Variants in INSR observed in about 807,000 individuals in gnomAD.
INSR encodes the protein IR.
In INSR, 67 loss-of-function variants were observed where a neutral mutation model predicts 142.6. The observed-to-expected ratio is 0.47, with a 90% confidence interval of 0.39 to 0.58. The LOEUF is 0.58. INSR is among the 20% of genes least tolerant of loss of function. The pLI is 0.00. For missense variants in INSR, 1,248 were observed against 1,833.2 expected, an observed-to-expected ratio of 0.68 and a Z score of 5.83; for synonymous variants, 756 against 743.1, an observed-to-expected ratio of 1.02 and a Z score of -0.28.
At chr19:7,255,035 C>T (rs966651950) in intron 2 of INSR, among the ~76,000 whole-genome samples, 1 of 151,566 alleles carries the variant, frequency 6.6e-6, no homozygotes, top group Non-Finnish European at 1.5e-5. Context: ...GGTCCCCGCA[C>T]CCACCCGCTC....
In INSR at chr19:7,168,176, G is replaced by C. The variant is rs1347526869; in HGVS notation, c.1484-82C>G. 2 of 1,410,944 alleles carry C rather than the reference G, an allele frequency of 1.4e-6. No individual in the cohort carries two copies. The highest frequency in any genetic ancestry group is 2.0e-6 in the Non-Finnish European group (2 of 1,002,288). 87.4% of individuals were successfully genotyped at this position (1,410,944 alleles called of 1,614,324 possible). A position where few individuals can be genotyped will look rare whatever the true frequency, so the allele number is the denominator to read the frequency against. On this transcript the variant is annotated intron_variant, in intron 6 of 21. Transcript: ENST00000302850. The surrounding 1 kb of genome is among the most constrained non-coding windows in gnomAD (Gnocchi z 4.3). ...AAGCCTGGGACCCCCACACTTCCTGGAGGGACCGTGAGAAGGCAGAGGTGA... is the reference window on the plus strand; with the variant it reads ...AAGCCTGGGACCCCCACACTTCCTGCAGGGACCGTGAGAAGGCAGAGGTGA...
In INSR at chr19:7,255,404, C is replaced by T. The variant is rs970502494; in HGVS notation, c.652+11941G>A. Among the ~76,000 whole-genome samples, 77 of 152,092 alleles carry T rather than the reference C, an allele frequency of 5.1e-4. 1 individual carries two copies. The highest frequency in any genetic ancestry group is 5.0e-3 in the Admixed American group (77 of 15,252). On this transcript the variant is annotated intron_variant, in intron 2 of 21. Transcript: ENST00000302850. ...CTGCACTGGTCCAAGCCTCCCTTCC[C>T]GGCATGAGGCACCCTCTTCACTCTT...
Position 7,290,311 on chromosome 19 carries a change from T to C in INSR, c.100+3481A>G, listed in dbSNP as rs185021460. On this transcript the variant is annotated intron_variant, in intron 1 of 21. Coordinates refer to ENST00000302850, the MANE Select transcript of INSR (RefSeq NM_000208.4). ...GTCCCAGCTACTACGGAGGCTAAAA[T>C]AGGAGGATGGCTTGCGTCCAGGAGG... Among the ~76,000 whole-genome samples, 15 of 152,022 alleles carry C rather than the reference T, an allele frequency of 9.9e-5. 1 individual carries two copies. Among genetic ancestry groups the C allele is most frequent in the African/African-American group, 3.1e-4 (13 of 41,476 alleles).
chr19:7,170,668 C>A lies in INSR; in HGVS notation c.1352G>T (p.Gly451Val), dbSNP rs1305371098. ...GGGGTTATAGTGGAAGAAGAGTTTC[C>A]CCTGAGTGATGGTGAGGTTGTGTTT... is the stretch of plus-strand genomic sequence containing the variant. The part of the protein sequence containing the change: ...WSKHNLTITQ[G>V]KLFFHYNPKL... The change falls in exon 6 of 22, where the codon GGG becomes GTG. Residue 451 changes from glycine to valine, a missense_variant. Transcript: ENST00000302850. 1 of 1,613,716 alleles carries A rather than the reference C, an allele frequency of 6.2e-7. No individual in the cohort carries two copies. Among genetic ancestry groups the A allele is most frequent in the Non-Finnish European group, 8.5e-7 (1 of 1,179,994 alleles).
intron 2 of INSR, among the ~76,000 whole-genome samples, chr19:7,205,965 G>A (rs1975095728): frequency 1.3e-5 from 2 of 152,098 alleles, no homozygotes; most frequent in Non-Finnish European, 2.9e-5. Flanking sequence ...GTATCAGGTC[G>A]ACCTGAGTTT....
chr19:7,193,445 G>C (rs1338765442), intron 2 of INSR, among the ~76,000 whole-genome samples: 1 of 150,674 alleles, frequency 6.6e-6, no homozygotes, highest in Non-Finnish European at 1.5e-5. Flanking sequence ...CTGGGGAGCG[G>C]AAGTTGCAGT....
Position 7,141,737 on chromosome 19 carries a change from C to G in INSR, c.2622G>C (p.Pro874=). The change falls in exon 13 of 22, where the codon CCG becomes CCC. Residue 874 remains proline, a synonymous_variant. Coordinates refer to ENST00000302850, the MANE Select transcript of INSR (RefSeq NM_000208.4). ...GCACGATCAGACCATTGGGCTCCTT[C>G]GGCTCCTGCCACATCAAGTGGACGA... ...NNVVHLMWQE[P]KEPNGLIVLY... is the part of the protein sequence containing the mutation. The G allele has an allele frequency of 6.2e-7, 1 of 1,614,194 alleles. No individual in the cohort carries two copies. The highest frequency in any genetic ancestry group is 8.5e-7 in the Non-Finnish European group (1 of 1,180,024).
chr19:7,273,876 C>T (rs1967990752), intron 1 of INSR, among the ~76,000 whole-genome samples: 1 of 151,774 alleles, frequency 6.6e-6, no homozygotes, highest in African/African-American at 2.4e-5. Context: ...ACCTGTAATC[C>T]CAGCTACTCA....
intron 2 of INSR, among the ~76,000 whole-genome samples, chr19:7,212,950 A>C (rs765790456): frequency 3.9e-5 from 6 of 152,106 alleles, no homozygotes; most frequent in Non-Finnish European, 2.9e-5. Flanking sequence ...CCGCCCCCTC[A>C]GTGAATTCCT....
In INSR at chr19:7,113,944, G is replaced by C. The variant is rs1972261363; in HGVS notation, c.*3112C>G. 6.6e-6 allele frequency: 1 copy of C among 150,564 alleles called. No individual in the cohort carries two copies. Among genetic ancestry groups the C allele is most frequent in the Non-Finnish European group, 1.5e-5 (1 of 67,896 alleles). The allele number at this position is 150,564 out of a possible 1,614,324, so 9.3% of individuals were successfully genotyped here. ...AGAGCAGCAAGATTTGGGCCCCACT[G>C]GTCCTGCCTAGACTCTCACATGGGT... On this transcript the variant is annotated 3_prime_UTR_variant, in exon 22 of 22. Transcript: ENST00000302850.
chr19:7,149,227 A>G (rs1046097482), intron 11 of INSR, among the ~76,000 whole-genome samples: 3 of 152,138 alleles, frequency 2.0e-5, no homozygotes, highest in African/African-American at 7.2e-5. Context: ...ACTGAGATTG[A>G]GATCTGCTTT....
Position 7,126,559 on chromosome 19 carries a change from C to T in INSR, c.3013+25G>A, listed in dbSNP as rs777830753. On this transcript the variant is annotated intron_variant, in intron 16 of 21. Transcript: ENST00000302850. ...AAGCTGATGAGTAGGGTTCTGGCCA[C>T]CCACAGGGAAGGGATGGTACTCACC... is the stretch of plus-strand genomic sequence containing the variant. 40 of 1,547,566 alleles carry T rather than the reference C, an allele frequency of 2.6e-5. No individual in the cohort carries two copies. The Middle Eastern group carries it at 1.0e-3, about 41-fold the overall frequency.
chr19:7,285,178 C>T (rs1472317291), intron 1 of INSR, among the ~76,000 whole-genome samples: 1 of 152,010 alleles, frequency 6.6e-6, no homozygotes, highest in African/African-American at 2.4e-5. Flanking sequence ...AGGCCGGGCA[C>T]AGTGGCTCGC....
At position 7,197,097 on chromosome 19, in the gene INSR, G is replaced by C. The variant is rs1305942071; in HGVS notation, c.653-12460C>G. Among the ~76,000 whole-genome samples the C allele has an allele frequency of 2.0e-5, 3 of 152,220 alleles. No individual in the cohort carries two copies. The East Asian group carries it at 5.8e-4, about 29-fold the overall frequency. On this transcript the variant is annotated intron_variant, in intron 2 of 21. Coordinates refer to ENST00000302850, the MANE Select transcript of INSR (RefSeq NM_000208.4). ...GGGGCAGCCAAGGAGGTGAACTTTT[G>C]ACAGCTTCGTGGTCAGCAGCGACGA...
In INSR at chr19:7,119,048, C is replaced by A. The variant is rs1328715538; in HGVS notation, c.3794+401G>T. On this transcript the variant is annotated intron_variant, in intron 21 of 21. Coordinates refer to ENST00000302850, the MANE Select transcript of INSR (RefSeq NM_000208.4). This position sits in a 1 kb window ranked among gnomAD's most constrained non-coding sequence, Gnocchi z 5.2. The stretch of plus-strand genomic sequence containing the variant: ...TGCAACCTTCCAAAGATACAATATG[C>A]AAGAAAATCATATGATTTGTGAACA... 1.3e-5 allele frequency among the ~76,000 whole-genome samples: 2 copies of A among 151,730 alleles called. No homozygotes were observed. Among genetic ancestry groups the A allele is most frequent in the Non-Finnish European group, 2.9e-5 (2 of 67,998 alleles).
chr19:7,169,217 C>A (rs1333288202), intron 6 of INSR, among the ~76,000 whole-genome samples: 1 of 152,126 alleles, frequency 6.6e-6, no homozygotes, highest in African/African-American at 2.4e-5. Context: ...ACTCTCCCAG[C>A]CCTATCCTCC....
intron 11 of INSR, among the ~76,000 whole-genome samples, chr19:7,145,339 A>G (rs1201496297): frequency 6.6e-6 from 1 of 152,180 alleles, no homozygotes; most frequent in Non-Finnish European, 1.5e-5. Flanking sequence ...AGATGGGGTT[A>G]TTATGAGTTG....
intron 8 of INSR, among the ~76,000 whole-genome samples, chr19:7,164,116 AG>A (rs1369620824): frequency 1.7e-4 from 24 of 143,362 alleles, no homozygotes; most frequent in African/African-American, 4.7e-4. Context: ...AAAAAAAAAA[AG>A]CTTGAATTTG....
rs1736395692 is a variant in INSR, at chr19:7,113,737, AC to A, written c.*3318del. On this transcript the variant is annotated 3_prime_UTR_variant, in exon 22 of 22. Transcript: ENST00000302850. ...CCAAAGTTTTATTGTTACAAAGTCAACATTTCCTAATGTCAAAGGAGGTTTG... is the reference window on the plus strand; with the variant it reads ...CCAAAGTTTTATTGTTACAAAGTCAAATTTCCTAATGTCAAAGGAGGTTTG... 3 of 152,322 alleles carry A rather than the reference AC, an allele frequency of 2.0e-5. No individual in the cohort carries two copies. Among genetic ancestry groups the A allele is most frequent in the Admixed American group, 2.0e-4 (3 of 15,304 alleles). The allele number at this position is 152,322 out of a possible 1,614,324, so 9.4% of individuals were successfully genotyped here. A position where few individuals can be genotyped will look rare whatever the true frequency, so the allele number is the denominator to read the frequency against.
Sources: gnomAD v4.1 joint callset for allele counts (sites outside exome capture counted in the v4.1 genomes callset) on GRCh38, gnomAD v4.1.1 for gene constraint, Gnocchi (gnomAD v3.1) non-coding constraint, MANE v1.5 for transcripts, NCBI Gene and HGNC (gene_info 2026-07-23, HGNC 2026-07-21) for gene names.